ANK2: variants seen among roughly 807,000 people sequenced by gnomAD.
The protein encoded by ANK2 is ankyrin 2.
A neutral mutation model predicts 360.5 loss-of-function variants in ANK2; 83 were observed. The ratio of observed to expected loss-of-function variants is 0.23; its 90% CI spans 0.19 to 0.28. The LOEUF (loss-of-function observed/expected upper bound fraction) is 0.28. Ranked by LOEUF, ANK2 falls within the 10% of genes least tolerant of loss-of-function variation. ANK2 has a pLI of 1.00. For synonymous variants in ANK2, 1,740 were observed against 1,759.5 expected (o/e 0.99, Z 0.28); for missense variants, 4,201 against 4,795.7 (o/e 0.88, Z 3.66).
intron 26 of ANK2, among the ~76,000 whole-genome samples, chr4:113,321,542 TG>T (rs1405477514): frequency 6.6e-6 from 1 of 152,224 alleles, no homozygotes; most frequent in Non-Finnish European, 1.5e-5. Context: ...TCCTGGTATT[TG>T]AAAGCTACCA....
chr4:112,894,411 A>G (rs1050950487), intron 1 of ANK2, among the ~76,000 whole-genome samples: 1 of 152,214 alleles, frequency 6.6e-6, no homozygotes, highest in African/African-American at 2.4e-5. Flanking sequence ...GATATGTAGT[A>G]TACATACATA....
At chr4:113,089,764 C>T (rs2086813290) in intron 1 of ANK2, among the ~76,000 whole-genome samples, 1 of 152,074 alleles carries the variant, frequency 6.6e-6, no homozygotes, top group South Asian at 2.1e-4. Flanking sequence ...GCGGAAATTG[C>T]AGTGAGCCGA....
chr4:112,939,482 T>G (rs529040926), intron 2 of ANK2, among the ~76,000 whole-genome samples: 1 of 151,706 alleles, frequency 6.6e-6, no homozygotes, highest in East Asian at 1.9e-4. Flanking sequence ...GCTAATTTTT[T>G]TTTTGTATTT....
intron 2 of ANK2, among the ~76,000 whole-genome samples, chr4:113,008,924 TA>T (rs1327505335): frequency 1.3e-5 from 2 of 152,082 alleles, no homozygotes; most frequent in African/African-American, 2.4e-5. Context: ...AGCAGGGAGA[TA>T]AAGCAAAAAA....
intron 43 of ANK2, chr4:113,372,660 G>A: frequency 7.1e-7 from 1 of 1,407,034 alleles, no homozygotes; most frequent in African/African-American, 1.4e-5. Flanking sequence ...GTCAGGGACA[G>A]TCCTGTCCCC....
chr4:113,283,020 C>G, intron 18 of ANK2, 148 bp downstream of exon 18: 1 of 892,310 alleles, frequency 1.1e-6, no homozygotes, highest in Middle Eastern at 3.3e-4. Context: ...GGGAGTCAAG[C>G]CTTATGAGAG....
rs1169760524 is a variant in ANK2 at position 113,311,280 on chromosome 4, G to A, written c.2574G>A (p.Gly858=). The A allele has an allele frequency of 1.2e-6, 2 of 1,614,104 alleles. No individual in the cohort carries two copies. The highest frequency in any genetic ancestry group is 4.5e-5 in the East Asian group (2 of 44,874). ...GTGATGACACAATGACTGGTGATGG[G>A]GGAGAATACCTTAGGCCTGAGGACC... ...EEGDDTMTGD[G]GEYLRPEDLK... is the part of the protein sequence containing the mutation. Residue 858 remains glycine, a synonymous_variant, in exon 24 of 46, where the codon GGG becomes GGA. Coordinates refer to ENST00000357077, the MANE Select transcript of ANK2 (RefSeq NM_001148.6).
At chr4:112,939,200 CT>C (rs1467082180) in intron 2 of ANK2, among the ~76,000 whole-genome samples, 1 of 152,074 alleles carries the variant, frequency 6.6e-6, no homozygotes, top group African/African-American at 2.4e-5. Context: ...GTTAAGTTTG[CT>C]TGCCTCTTAG....
At chr4:113,007,965 C>T (rs1280803505) in intron 2 of ANK2, among the ~76,000 whole-genome samples, 4 of 152,116 alleles carry the variant, frequency 2.6e-5, no homozygotes, top group South Asian at 4.1e-4. Flanking sequence ...TCAAGCATTC[C>T]AGTTCACCTC....
chr4:112,934,360 AG>A (rs2093545791), intron 2 of ANK2, among the ~76,000 whole-genome samples: 1 of 152,214 alleles, frequency 6.6e-6, no homozygotes, highest in Non-Finnish European at 1.5e-5. Context: ...GAAACATTCC[AG>A]CTGTCTGTGG....
At chr4:113,048,680 T>C (rs1484593198), upstream of ANK2, among the ~76,000 whole-genome samples, 4 of 152,058 alleles carry the variant, frequency 2.6e-5, no homozygotes, top group African/African-American at 9.7e-5. Context: ...CAAGAAGAAT[T>C]CCAGAACTTT....
At position 113,366,461 on chromosome 4, in the gene ANK2, G is replaced by A. The variant is rs529111884; in HGVS notation, c.11033-1105G>A. On this transcript the variant is annotated intron_variant, in intron 41 of 45. Coordinates refer to ENST00000357077, the MANE Select transcript of ANK2 (RefSeq NM_001148.6). The stretch of plus-strand genomic sequence containing the variant: ...TTCCTGTGGCAGGTTACTTCTCATG[G>A]ATGTGAATGATGATGTATCTTAACT... 2.9e-5 allele frequency among the ~76,000 whole-genome samples: 4 copies of A among 137,342 alleles called. No individual in the cohort carries two copies. The South Asian group carries it at 9.1e-4, about 31-fold the overall frequency. The allele number at this position is 137,342 out of a possible 152,430, so 90.1% of individuals were successfully genotyped here. A position where few individuals can be genotyped will look rare whatever the true frequency, so the allele number is the denominator to read the frequency against.
chr4:112,922,745 C>T (rs1427727755), intron 2 of ANK2, among the ~76,000 whole-genome samples: 1 of 152,134 alleles, frequency 6.6e-6, no homozygotes, highest in Non-Finnish European at 1.5e-5. Context: ...AATTCAATCT[C>T]AGTGTTGTAT....
chr4:113,166,327 T>C (rs1003070182), intron 1 of ANK2, among the ~76,000 whole-genome samples: 1 of 152,120 alleles, frequency 6.6e-6, no homozygotes, highest in African/African-American at 2.4e-5. Context: ...AAGTTATCTT[T>C]TAAGTCACAC....
At chr4:112,943,670 G>T (rs2094380991) in intron 2 of ANK2, among the ~76,000 whole-genome samples, 1 of 151,956 alleles carries the variant, frequency 6.6e-6, no homozygotes, top group Non-Finnish European at 1.5e-5. Flanking sequence ...TTTTACTACA[G>T]ATGTGTGTGT....
At chr4:113,187,699 A>G (rs1220502621) in intron 2 of ANK2, among the ~76,000 whole-genome samples, 1 of 152,254 alleles carries the variant, frequency 6.6e-6, no homozygotes, top group Non-Finnish European at 1.5e-5. Context: ...AACCTATTTC[A>G]AAGAATGATT....
At chr4:112,974,233 A>G (rs952806356) in intron 2 of ANK2, among the ~76,000 whole-genome samples, 1 of 152,214 alleles carries the variant, frequency 6.6e-6, no homozygotes, top group Non-Finnish European at 1.5e-5. Flanking sequence ...TGCACTGTTA[A>G]ATTGTGTTAT....
At chr4:112,797,985 A>G in the ANK2 span, 1 of 161,790 alleles carries the variant, frequency 6.2e-6, no homozygotes. Flanking sequence ...GCCGGCTATC[A>G]ACAGAAAGGT....
rs192626373 is a variant in ANK2 at position 112,925,890 on chromosome 4, A to G, written c.21+21376A>G. On this transcript the variant is annotated intron_variant, in intron 2 of 30. Coordinates refer to the ANK2 transcript ENST00000503271. ...GTGGTCATGAAAAGAAAATTTGGTG[A>G]TACTTTTCTTTTAATAGAATGTTTA... Among the ~76,000 whole-genome samples the G allele has an allele frequency of 2.6e-5, 4 of 152,320 alleles. No individual in the cohort carries two copies. In the East Asian group the frequency reaches 5.8e-4, roughly 22 times the overall value.
Sources: allele counts gnomAD v4.1 joint callset (sites outside exome capture counted in the v4.1 genomes callset), GRCh38; gene constraint gnomAD v4.1.1; transcripts MANE v1.5; gene names NCBI Gene and HGNC (gene_info 2026-07-23, HGNC 2026-07-21).